The following PRORP variants were observed in gnomAD, a reference collection of about 807,000 sequenced individuals.
The protein encoded by PRORP is protein only RNase P catalytic subunit.
A neutral mutation model predicts 59.4 loss-of-function variants in PRORP; 51 were observed. The ratio of observed to expected loss-of-function variants is 0.86; its 90% CI spans 0.69 to 1.08. The LOEUF (loss-of-function observed/expected upper bound fraction) is 1.08. Ranked by LOEUF, PRORP falls within the 50% of genes least tolerant of loss-of-function variation. The probability of loss-of-function intolerance (pLI) is 0.00; values close to 1 mark genes in which losing one functional copy is unlikely to be tolerated. For synonymous variants in PRORP, 231 were observed against 245.6 expected, an observed-to-expected ratio of 0.94 and a Z score of 0.55; for missense variants, 646 against 690.3, an observed-to-expected ratio of 0.94 and a Z score of 0.72.
At chr14:35,192,047 A>G (rs945373361) in intron 5 of PRORP, among the ~76,000 whole-genome samples, 7 of 152,180 alleles carry the variant, frequency 4.6e-5, no homozygotes, top group African/African-American at 1.4e-4. Flanking sequence ...GCTTGCCTCA[A>G]TAACTTCCCT....
intron 5 of PRORP, among the ~76,000 whole-genome samples, chr14:35,260,605 G>A (rs75018509): frequency 0.058 from 8,784 of 152,276 alleles, 331 homozygotes; most frequent in Middle Eastern, 0.11. Context: ...AGAATAAGCC[G>A]TGCTAGGCAC....
chr14:35,168,082 A>G (rs972880653), intron 4 of PRORP, among the ~76,000 whole-genome samples: 8 of 152,338 alleles, frequency 5.3e-5, no homozygotes, highest in African/African-American at 1.9e-4. Context: ...ACATTCACAT[A>G]TAAGTCTTTG....
In PRORP at chr14:35,275,809, A is replaced by T. The variant is rs950215715; in HGVS notation, c.*2243A>T. Reference sequence around the variant, plus strand: ...AGACCCTGTCTCTTAAAAAAAAAAAAAAAAGACGGGAGAAGCTACAAGAAG... The same window carrying T: ...AGACCCTGTCTCTTAAAAAAAAAAATAAAAGACGGGAGAAGCTACAAGAAG... On this transcript the variant is annotated 3_prime_UTR_variant, in exon 8 of 8. Transcript: ENST00000534898. 2 of 151,134 alleles carry T rather than the reference A, an allele frequency of 1.3e-5. No individual in the cohort carries two copies. The highest frequency in any genetic ancestry group is 4.9e-5 in the African/African-American group (2 of 41,020). The allele number at this position is 151,134 out of a possible 1,614,324, so 9.4% of individuals were successfully genotyped here. A position where few individuals can be genotyped will look rare whatever the true frequency, so the allele number is the denominator to read the frequency against.
At chr14:35,173,674 C>T (rs974684249) in intron 4 of PRORP, among the ~76,000 whole-genome samples, 1 of 151,952 alleles carries the variant, frequency 6.6e-6, no homozygotes, top group Non-Finnish European at 1.5e-5. Flanking sequence ...TGGAGATTGC[C>T]CTCTGACCAA....
chr14:35,189,032 T>G (rs1224718506), intron 5 of PRORP, among the ~76,000 whole-genome samples: 6 of 152,024 alleles, frequency 3.9e-5, no homozygotes, highest in Non-Finnish European at 8.8e-5. Flanking sequence ...TAGTTTTAGT[T>G]CTTGCAGTTA....
At chr14:35,134,076 C>T (rs887229486) in intron 4 of PRORP, among the ~76,000 whole-genome samples, 1 of 152,182 alleles carries the variant, frequency 6.6e-6, no homozygotes, top group Admixed American at 6.5e-5. Context: ...GCGACAAGTT[C>T]CCCCAGGCCT....
At chr14:35,266,009 C>T (rs1283215292) in intron 5 of PRORP, among the ~76,000 whole-genome samples, 9 of 120,090 alleles carry the variant, frequency 7.5e-5, no homozygotes, top group Non-Finnish European at 1.5e-4. Flanking sequence ...GATCCCATCT[C>T]TACCAAAAAA....
intron 5 of PRORP, among the ~76,000 whole-genome samples, chr14:35,194,148 G>A (rs550170529): frequency 2.0e-5 from 3 of 152,236 alleles, no homozygotes; most frequent in African/African-American, 7.2e-5. Flanking sequence ...GCTGCCATAA[G>A]AAGTCAAAAA....
chr14:35,135,287 C>CT (rs1357291365), intron 4 of PRORP, among the ~76,000 whole-genome samples: 1 of 152,140 alleles, frequency 6.6e-6, no homozygotes, highest in Admixed American at 6.6e-5. Context: ...TTTGAAGGTG[C>CT]TTTTTTTACA....
intron 5 of PRORP, among the ~76,000 whole-genome samples, chr14:35,196,179 T>TA (rs1449393823): frequency 1.1e-4 from 16 of 152,202 alleles, no homozygotes; most frequent in Admixed American, 1.0e-3. Context: ...TAGCAGCATT[T>TA]AAGTGCTATT....
At chr14:35,253,669 A>G (rs2050675331) in intron 5 of PRORP, among the ~76,000 whole-genome samples, 1 of 151,574 alleles carries the variant, frequency 6.6e-6, no homozygotes, top group East Asian at 1.9e-4. Flanking sequence ...CATCAAAATG[A>G]CTCCCCTTGG....
At chr14:35,227,825 C>A (rs1365448889) in intron 5 of PRORP, among the ~76,000 whole-genome samples, 1 of 151,666 alleles carries the variant, frequency 6.6e-6, no homozygotes. Context: ...TGCACAAGCC[C>A]GCAGAAATAC....
chr14:35,147,703 A>C (rs112927450), intron 4 of PRORP, among the ~76,000 whole-genome samples: 1 of 152,342 alleles, frequency 6.6e-6, no homozygotes, highest in Non-Finnish European at 1.5e-5. Context: ...TTATCACAAA[A>C]TATTTTTCTG....
At chr14:35,258,668 C>G (rs1319594712) in intron 5 of PRORP, among the ~76,000 whole-genome samples, 1 of 151,904 alleles carries the variant, frequency 6.6e-6, no homozygotes, top group Non-Finnish European at 1.5e-5. Context: ...GGGGGCGGGG[C>G]AGAGATACCG....
At chr14:35,124,327 G>C (rs1319375689) in intron 2 of PRORP, 96 bp downstream of exon 2, 2 of 780,710 alleles carry the variant, frequency 2.6e-6, no homozygotes, top group African/African-American at 3.5e-5. Context: ...GAGTGCAGTG[G>C]TGTGTTCATA....
chr14:35,266,775 G>A lies in PRORP; in HGVS notation c.1324G>A (p.Val442Ile), dbSNP rs577819325. 1.4e-5 allele frequency: 23 copies of A among 1,614,162 alleles called. No homozygotes were observed. In the South Asian group the frequency reaches 2.5e-4, roughly 18 times the overall value. ...AGCCAAACGGAATCTGCGACTGCTG[G>A]TCCTAGGCCGGAAGCACATGCTAAG... ...QLAKRNLRLLVLGRKHMLRRS... is the reference protein window; with the variant it reads ...QLAKRNLRLLILGRKHMLRRS... Residue 442 changes from valine to isoleucine, a missense_variant, in exon 6 of 8, where the codon GTC becomes ATC. Physicochemically the swap from Val to Ile is conservative, Grantham distance 29. Coordinates refer to ENST00000534898, the MANE Select transcript of PRORP (RefSeq NM_014672.4).
At chr14:35,198,041 T>A (rs770471280) in intron 5 of PRORP, among the ~76,000 whole-genome samples, 2 of 152,170 alleles carry the variant, frequency 1.3e-5, no homozygotes, top group Non-Finnish European at 2.9e-5. Context: ...ACATTTCTCT[T>A]TCCTAAAGAG....
chr14:35,166,645 G>A (rs551795197), intron 4 of PRORP, among the ~76,000 whole-genome samples: 1 of 152,096 alleles, frequency 6.6e-6, no homozygotes, highest in East Asian at 1.9e-4. Context: ...TAGAGACAGG[G>A]TTTCACCATG....
At chr14:35,188,189 T>C (rs1472564634) in intron 5 of PRORP, among the ~76,000 whole-genome samples, 1 of 128,878 alleles carries the variant, frequency 7.8e-6, no homozygotes, top group Non-Finnish European at 1.7e-5. Context: ...TGTTGAGTTG[T>C]AATTTTTTTT....
Sources: gnomAD v4.1 joint callset for allele counts (sites outside exome capture counted in the v4.1 genomes callset) on GRCh38, gnomAD v4.1.1 for gene constraint, MANE v1.5 for transcripts, NCBI Gene and HGNC (gene_info 2026-07-23, HGNC 2026-07-21) for gene names.